Variants in FGF12 observed in about 807,000 individuals in gnomAD.
FGF12 encodes fibroblast growth factor 12.
Under a neutral mutation model 23.6 loss-of-function variants are expected in FGF12, and 14 were observed. The observed-to-expected ratio is 0.59, with a 90% CI of 0.39 to 0.93. The LOEUF is 0.93. Among genes scored for constraint, FGF12 ranks in the 40% least tolerant of loss-of-function variants. FGF12 has a pLI of 0.00. For synonymous variants in FGF12, 62 were observed against 77.3 expected (o/e 0.80, Z 1.04); for missense variants, 175 against 217.8 (o/e 0.80, Z 1.24).
chr3:192,410,209 T>A (rs1233667328), intron 2 of FGF12, among the ~76,000 whole-genome samples: 1 of 152,216 alleles, frequency 6.6e-6, no homozygotes, highest in Admixed American at 6.5e-5. Context: ...CAGCGCGCTC[T>A]AGTCAGGTTC....
At chr3:192,465,921 T>A (rs960515598) in intron 2 of FGF12, among the ~76,000 whole-genome samples, 1 of 152,190 alleles carries the variant, frequency 6.6e-6, no homozygotes, top group Non-Finnish European at 1.5e-5. Flanking sequence ...CCTGTTATAT[T>A]TCCTTTCCCT....
chr3:192,168,711 ATC>A (rs1213454574), intron 5 of FGF12, among the ~76,000 whole-genome samples: 1 of 152,230 alleles, frequency 6.6e-6, no homozygotes, highest in African/African-American at 2.4e-5. Context: ...ATTATCAAAT[ATC>A]TCTCTATGAT....
intron 2 of FGF12, among the ~76,000 whole-genome samples, chr3:192,413,425 T>C (rs1437305585): frequency 1.3e-5 from 2 of 152,088 alleles, no homozygotes; most frequent in African/African-American, 4.8e-5. Flanking sequence ...ATCTGCAAAA[T>C]AGATACATAA....
At chr3:192,560,244 T>C (rs1466043553) in intron 2 of FGF12, among the ~76,000 whole-genome samples, 1 of 152,002 alleles carries the variant, frequency 6.6e-6, no homozygotes, top group African/African-American at 2.4e-5. Flanking sequence ...CTTAGAAATA[T>C]ATGAGATTCA....
chr3:192,151,939 T>C (rs1714075924), intron 5 of FGF12, among the ~76,000 whole-genome samples: 1 of 36,198 alleles, frequency 2.8e-5, no homozygotes, highest in Non-Finnish European at 5.6e-5. Flanking sequence ...TGTGAATCCA[T>C]CTGGTCCTGG....
At chr3:192,681,154 C>T (rs562876004) in intron 2 of FGF12, among the ~76,000 whole-genome samples, 2 of 152,104 alleles carry the variant, frequency 1.3e-5, no homozygotes, top group Non-Finnish European at 2.9e-5. Context: ...GATAAAGGGT[C>T]AGAATAAGGG....
intron 2 of FGF12, among the ~76,000 whole-genome samples, chr3:192,572,527 A>G (rs1232401796): frequency 6.6e-6 from 1 of 152,254 alleles, no homozygotes; most frequent in African/African-American, 2.4e-5. Context: ...TGACACAAAC[A>G]GAACAAAACA....
chr3:192,160,712 T>A (rs1378932842), intron 5 of FGF12, among the ~76,000 whole-genome samples: 1 of 152,204 alleles, frequency 6.6e-6, no homozygotes, highest in Non-Finnish European at 1.5e-5. Context: ...TGAAAGACGC[T>A]TAGTAGATGT....
At chr3:192,686,815 ATTTTTTTTTTTTTTTTT>A (rs57045697) in intron 2 of FGF12, among the ~76,000 whole-genome samples, 1 of 61,434 alleles carries the variant, frequency 1.6e-5, no homozygotes, top group Non-Finnish European at 2.8e-5. Flanking sequence ...TTTTTCTCTA[ATTTTTTTTTTTTTTTTT>A]TTTTTTTTTT....
chr3:192,641,307 G>A (rs1560178583), intron 2 of FGF12, among the ~76,000 whole-genome samples: 1 of 90,172 alleles, frequency 1.1e-5, no homozygotes. Flanking sequence ...GGGTTTCACC[G>A]TTTTAGCCGG....
At chr3:192,478,988 G>A (rs80247470) in intron 2 of FGF12, among the ~76,000 whole-genome samples, 6 of 152,212 alleles carry the variant, frequency 3.9e-5, no homozygotes, top group African/African-American at 7.2e-5. Flanking sequence ...ATAAATCTCC[G>A]GTTGTACATA....
intron 2 of FGF12, among the ~76,000 whole-genome samples, chr3:192,596,892 C>T (rs1432559494): frequency 6.6e-6 from 1 of 152,166 alleles, no homozygotes; most frequent in Non-Finnish European, 1.5e-5. Flanking sequence ...GAATTTAAAA[C>T]TTTGCAAAGA....
chr3:192,458,450 AC>A (rs1361153793), intron 2 of FGF12, among the ~76,000 whole-genome samples: 1 of 152,200 alleles, frequency 6.6e-6, no homozygotes, highest in Non-Finnish European at 1.5e-5. Flanking sequence ...CATCAGTGTG[AC>A]CTGGATGTGA....
chr3:192,423,399 G>T (rs1295920707), intron 2 of FGF12, among the ~76,000 whole-genome samples: 1 of 152,140 alleles, frequency 6.6e-6, no homozygotes, highest in African/African-American at 2.4e-5. Context: ...ACAGCATTAA[G>T]TCGCTAAATT....
Position 192,140,547 on chromosome 3 carries a change from T to C in FGF12, c.*3462A>G, listed in dbSNP as rs1380596178. 6 of 152,054 alleles carry C rather than the reference T, an allele frequency of 3.9e-5. No homozygotes were observed. The highest frequency in any genetic ancestry group is 8.8e-5 in the Non-Finnish European group (6 of 67,906). The allele number at this position is 152,054 out of a possible 1,614,324, so 9.4% of individuals were successfully genotyped here. On this transcript the variant is annotated 3_prime_UTR_variant, in exon 6 of 6. Transcript: ENST00000445105. ...ATTAGGAATTCCAAACTTTTCAATA[T>C]GCAACCTTTAAGTCTTTCCTTGTCC...
chr3:192,543,307 T>C (rs1210308390), intron 2 of FGF12, among the ~76,000 whole-genome samples: 3 of 151,918 alleles, frequency 2.0e-5, no homozygotes, highest in African/African-American at 7.3e-5. Context: ...CCATGGCGAG[T>C]ACTGCCTGGC....
chr3:192,411,257 C>A (rs9862615), intron 2 of FGF12, among the ~76,000 whole-genome samples: 5,126 of 152,236 alleles, frequency 0.034, 266 homozygotes, highest in African/African-American at 0.12. Context: ...AACACCCTAC[C>A]ATGCCCGGGG....
At chr3:192,561,563 C>G (rs189860617) in intron 2 of FGF12, among the ~76,000 whole-genome samples, 2 of 152,006 alleles carry the variant, frequency 1.3e-5, no homozygotes. Flanking sequence ...GGGGTTTCAC[C>G]GTGTTAGCCA....
At chr3:192,300,377 A>G (rs1478514730) in intron 4 of FGF12, among the ~76,000 whole-genome samples, 2 of 152,190 alleles carry the variant, frequency 1.3e-5, no homozygotes, top group Admixed American at 6.6e-5. Context: ...AAACTTAACA[A>G]TGGGGCTGTC....
Sources: gnomAD v4.1 joint callset for allele counts (sites outside exome capture counted in the v4.1 genomes callset) on GRCh38, gnomAD v4.1.1 for gene constraint, MANE v1.5 for transcripts, NCBI Gene and HGNC (gene_info 2026-07-23, HGNC 2026-07-21) for gene names.